Variants in DLGAP2 observed in about 807,000 individuals in gnomAD.
The protein encoded by DLGAP2 is DLG associated protein 2.
DLGAP2 carries 26 observed loss-of-function variants against 100.3 expected under a neutral mutation model. The observed-to-expected ratio is 0.26, with a 90% CI of 0.19 to 0.36. The LOEUF (loss-of-function observed/expected upper bound fraction) is 0.36. DLGAP2 is among the 10% of genes least tolerant of loss of function. The pLI is 1.00. For missense variants in DLGAP2, 1,858 were observed against 1,453.2 expected (o/e 1.28, Z -4.53); for synonymous variants, 886 against 630.1 (o/e 1.41, Z -6.08).
At chr8:948,483 G>A (rs1329579230) in intron 2 of DLGAP2, among the ~76,000 whole-genome samples, 2 of 152,224 alleles carry the variant, frequency 1.3e-5, no homozygotes, top group Non-Finnish European at 2.9e-5. Context: ...CACACCAGGC[G>A]CCTGCTGGGT....
At chr8:821,843 T>C in intron 1 of DLGAP2, among the ~76,000 whole-genome samples, 1 of 152,262 alleles carries the variant, frequency 6.6e-6, no homozygotes, top group East Asian at 1.9e-4. Flanking sequence ...ATGGAAATAG[T>C]AGTTTCCATG....
intron 2 of DLGAP2, among the ~76,000 whole-genome samples, chr8:930,272 A>G (rs1208504690): frequency 6.6e-6 from 1 of 152,224 alleles, no homozygotes; most frequent in Admixed American, 6.5e-5. Flanking sequence ...TCATGTGGTC[A>G]TGGAATCAGT....
At chr8:1,324,330 T>G (rs1158960508) in intron 3 of DLGAP2, among the ~76,000 whole-genome samples, 1 of 152,210 alleles carries the variant, frequency 6.6e-6, no homozygotes, top group African/African-American at 2.4e-5. Context: ...CTATCCTATC[T>G]CTTCTGTACT....
intron 2 of DLGAP2, among the ~76,000 whole-genome samples, chr8:951,985 T>G (rs1356415903): frequency 6.6e-6 from 1 of 152,212 alleles, no homozygotes. Flanking sequence ...TGACTCTGGT[T>G]CCTCCACTTG....
chr8:1,116,740 A>T (rs1175912983), intron 2 of DLGAP2, among the ~76,000 whole-genome samples: 1 of 152,084 alleles, frequency 6.6e-6, no homozygotes, highest in Non-Finnish European at 1.5e-5. Context: ...GGTCAAGGCT[A>T]CAGTGAGCTG....
At chr8:1,190,245 A>T (rs1241638135) in intron 2 of DLGAP2, among the ~76,000 whole-genome samples, 1 of 152,188 alleles carries the variant, frequency 6.6e-6, no homozygotes, top group Non-Finnish European at 1.5e-5. Context: ...GAGTCCTCCA[A>T]GTCCACGGCA....
intron 2 of DLGAP2, among the ~76,000 whole-genome samples, chr8:923,417 G>T (rs1367900549): frequency 6.6e-6 from 1 of 152,254 alleles, no homozygotes; most frequent in African/African-American, 2.4e-5. Context: ...GGGCATGGGT[G>T]TGAGTGCTGA....
At chr8:742,361 G>A (rs542656564) in intron 1 of DLGAP2, among the ~76,000 whole-genome samples, 8 of 152,286 alleles carry the variant, frequency 5.3e-5, no homozygotes, top group Admixed American at 4.6e-4. Context: ...CTGACTGATC[G>A]TTGTCTTTAA....
intron 3 of DLGAP2, among the ~76,000 whole-genome samples, chr8:1,431,807 C>T (rs943771303): frequency 6.6e-6 from 1 of 152,194 alleles, no homozygotes; most frequent in Non-Finnish European, 1.5e-5. Context: ...GCGTGCATGA[C>T]AGGGACTCTT....
intron 2 of DLGAP2, among the ~76,000 whole-genome samples, chr8:1,254,888 C>T (rs12549551): frequency 0.42 from 55,449 of 130,746 alleles, 12,926 homozygotes; most frequent in East Asian, 0.65. Context: ...CTCCTGCCCG[C>T]GTGCTGTGTC....
intron 3 of DLGAP2, among the ~76,000 whole-genome samples, chr8:1,267,555 G>C (rs1172199507): frequency 1.3e-5 from 1 of 74,708 alleles, no homozygotes; most frequent in Admixed American, 1.3e-4. Flanking sequence ...CAAAATTCCC[G>C]CTCAAAATAA....
intron 12 of DLGAP2, among the ~76,000 whole-genome samples, chr8:1,688,889 C>T (rs986519300): frequency 2.0e-5 from 3 of 152,166 alleles, no homozygotes; most frequent in Non-Finnish European, 4.4e-5. Flanking sequence ...ATCTCTGCAA[C>T]GTCATTTTCA....
chr8:1,416,768 A>T (rs1247411459), intron 3 of DLGAP2, among the ~76,000 whole-genome samples: 1 of 152,216 alleles, frequency 6.6e-6, no homozygotes, highest in Non-Finnish European at 1.5e-5. Flanking sequence ...GCTTAAGAGG[A>T]GAGCCTGGGG....
intron 2 of DLGAP2, among the ~76,000 whole-genome samples, chr8:920,310 T>C (rs565477050): frequency 2.6e-5 from 4 of 152,346 alleles, no homozygotes; most frequent in African/African-American, 9.6e-5. Context: ...ACCATATGTT[T>C]GCACAGTTTA....
At chr8:840,774 C>T (rs1402134522) in intron 1 of DLGAP2, among the ~76,000 whole-genome samples, 3 of 152,170 alleles carry the variant, frequency 2.0e-5, no homozygotes, top group East Asian at 1.9e-4. Flanking sequence ...TCTGCGAGCG[C>T]GTCTACACGG....
At chr8:897,131 T>C (rs989060022) in intron 1 of DLGAP2, among the ~76,000 whole-genome samples, 3 of 152,146 alleles carry the variant, frequency 2.0e-5, no homozygotes, top group Non-Finnish European at 2.9e-5. Context: ...AGGTCTCTGT[T>C]CACTGTGACA....
chr8:1,210,325 A>G (rs967197927), intron 2 of DLGAP2, among the ~76,000 whole-genome samples: 27 of 150,322 alleles, frequency 1.8e-4, no homozygotes, highest in African/African-American at 6.5e-4. Flanking sequence ...CTGGAAGGGC[A>G]TGTGTCCAGG....
At chr8:1,093,329 ACAGC>A (rs1376938369) in intron 2 of DLGAP2, among the ~76,000 whole-genome samples, 5 of 151,922 alleles carry the variant, frequency 3.3e-5, no homozygotes, top group African/African-American at 1.2e-4. Flanking sequence ...TTTCACACCA[ACAGC>A]CAGACAGAAA....
At chr8:1,125,094 C>G (rs1796134844) in intron 2 of DLGAP2, among the ~76,000 whole-genome samples, 1 of 152,222 alleles carries the variant, frequency 6.6e-6, no homozygotes, top group Non-Finnish European at 1.5e-5. Context: ...CATAAGACCT[C>G]TGCCTTCTCT....
Sources: allele counts gnomAD v4.1 joint callset (sites outside exome capture counted in the v4.1 genomes callset), GRCh38; gene constraint gnomAD v4.1.1; transcripts MANE v1.5; gene names NCBI Gene and HGNC (gene_info 2026-07-23, HGNC 2026-07-21).